The following TTLL5 variants were observed in gnomAD, a reference collection of about 807,000 sequenced individuals.
The protein encoded by TTLL5 is tubulin tyrosine ligase like 5, also known as tubulin polyglutamylase TTLL5.
In TTLL5, 132 loss-of-function variants were observed where a neutral mutation model predicts 168.4. The observed-to-expected ratio is 0.78, with a 90% confidence interval of 0.68 to 0.91. The LOEUF (loss-of-function observed/expected upper bound fraction) is 0.91. Ranked by LOEUF, TTLL5 falls within the 40% of genes least tolerant of loss-of-function variation. The probability of loss-of-function intolerance (pLI) is 0.00; values close to 1 mark genes in which losing one functional copy is unlikely to be tolerated. For missense variants in TTLL5, 1,545 were observed against 1,581.5 expected, an observed-to-expected ratio of 0.98 and a Z score of 0.39; for synonymous variants, 546 against 558.6, an observed-to-expected ratio of 0.98 and a Z score of 0.32.
At chr14:75,721,082 C>T (rs572277202) in intron 12 of TTLL5, among the ~76,000 whole-genome samples, 1 of 152,286 alleles carries the variant, frequency 6.6e-6, no homozygotes, top group Admixed American at 6.5e-5. Flanking sequence ...CCAGTATGTG[C>T]TTTCTCCCAT....
intron 24 of TTLL5, among the ~76,000 whole-genome samples, chr14:75,780,095 G>T (rs1038005973): frequency 4.6e-5 from 7 of 152,166 alleles, no homozygotes; most frequent in African/African-American, 1.7e-4. Context: ...CTTGCCCAAG[G>T]TTATTCTTTA....
At chr14:75,775,358 C>T in intron 21 of TTLL5, 126 bp from the exon 22 acceptor site, 2 of 1,088,844 alleles carry the variant, frequency 1.8e-6, no homozygotes, top group Non-Finnish European at 1.3e-6. Context: ...TGTTCTGGGT[C>T]TTGTTTGTTG....
intron 20 of TTLL5, among the ~76,000 whole-genome samples, chr14:75,771,390 TAC>T (rs1466105858): frequency 2.6e-5 from 4 of 152,138 alleles, no homozygotes; most frequent in African/African-American, 9.7e-5. Flanking sequence ...ATTCCACCAC[TAC>T]ACTGCAGCCT....
chr14:75,736,335 A>C (rs981686017), intron 15 of TTLL5, among the ~76,000 whole-genome samples: 2 of 151,334 alleles, frequency 1.3e-5, no homozygotes, highest in Non-Finnish European at 2.9e-5. Flanking sequence ...TGCTAGTCTC[A>C]TTTGGAGTAG....
intron 9 of TTLL5, among the ~76,000 whole-genome samples, chr14:75,715,951 A>G (rs573394917): frequency 6.6e-6 from 1 of 152,180 alleles, no homozygotes; most frequent in East Asian, 1.9e-4. Flanking sequence ...TAGTAACTAC[A>G]AGAGATGAAA....
Position 75,734,056 on chromosome 14 carries a change from T to C in TTLL5, c.1186+6T>C. 1 of 1,613,406 alleles carries C rather than the reference T, an allele frequency of 6.2e-7. No homozygotes were observed. Among genetic ancestry groups the C allele is most frequent in the South Asian group, 1.1e-5 (1 of 91,064 alleles). On this transcript the variant is annotated splice_donor_region_variant and intron_variant, in intron 14 of 31. Coordinates refer to ENST00000298832, the MANE Select transcript of TTLL5 (RefSeq NM_015072.5). ...AGATATGTTCACTGTTGTAGGTGAG[T>C]AGTAGTATTTTCTGAACTGGACTCA... is the stretch of plus-strand genomic sequence containing the variant.
chr14:75,749,721 A>G (rs965832033), intron 17 of TTLL5, among the ~76,000 whole-genome samples: 1 of 152,174 alleles, frequency 6.6e-6, no homozygotes, highest in Non-Finnish European at 1.5e-5. Context: ...AAAGAGGCTC[A>G]ATTAATATTA....
intron 28 of TTLL5, among the ~76,000 whole-genome samples, chr14:75,852,322 T>G (rs911794411): frequency 6.6e-6 from 1 of 152,230 alleles, no homozygotes; most frequent in Non-Finnish European, 1.5e-5. Flanking sequence ...TTATTTCTTT[T>G]TGTCTTCTTT....
At chr14:75,725,170 C>T (rs1888115072) in intron 12 of TTLL5, among the ~76,000 whole-genome samples, 1 of 152,212 alleles carries the variant, frequency 6.6e-6, no homozygotes, top group Admixed American at 6.5e-5. Flanking sequence ...CTGTTGCTGC[C>T]ATTCTTGACC....
At chr14:75,699,056 C>T (rs1265832188) in intron 6 of TTLL5, 132 bp from the exon 7 acceptor site, 20 of 736,526 alleles carry the variant, frequency 2.7e-5, no homozygotes, top group Middle Eastern at 2.9e-4. Flanking sequence ...TAGTTACTGC[C>T]CAACACTTAG....
At chr14:75,791,484 C>T (rs1036162422) in intron 26 of TTLL5, among the ~76,000 whole-genome samples, 2 of 150,674 alleles carry the variant, frequency 1.3e-5, no homozygotes, top group African/African-American at 4.9e-5. Context: ...ATCTCAAAAA[C>T]GAGCAAAATT....
At chr14:75,679,767 C>A (rs1246243930) in intron 3 of TTLL5, among the ~76,000 whole-genome samples, 3 of 152,280 alleles carry the variant, frequency 2.0e-5, no homozygotes, top group South Asian at 4.1e-4. Flanking sequence ...ACACATGATT[C>A]TGCAGTGTTT....
chr14:75,819,288 TC>T (rs1894694991), intron 27 of TTLL5, among the ~76,000 whole-genome samples: 2 of 152,234 alleles, frequency 1.3e-5, no homozygotes, highest in Admixed American at 1.3e-4. Flanking sequence ...CCAGTTGATT[TC>T]TAGGAAGATT....
Position 75,918,407 on chromosome 14 carries a change from C to T in TTLL5, c.3823+16183C>T, listed in dbSNP as rs377067550. On this transcript the variant is annotated intron_variant, in intron 31 of 31. Coordinates refer to ENST00000298832, the MANE Select transcript of TTLL5 (RefSeq NM_015072.5). ...TCCACCCCTGCTGGAGGAACTTCAT[C>T]ACACTTCTGCAGCCCCTCTACCACC... is the stretch of plus-strand genomic sequence containing the variant. Among the ~76,000 whole-genome samples the T allele has an allele frequency of 6.6e-5, 10 of 152,264 alleles. No individual in the cohort carries two copies. In the South Asian group the frequency reaches 1.9e-3, roughly 28 times the overall value.
At position 75,766,055 on chromosome 14, in the gene TTLL5, T is replaced by C. The variant is rs2359870; in HGVS notation, c.1709-7T>C. On this transcript the variant is annotated splice_region_variant and splice_polypyrimidine_tract_variant and intron_variant, in intron 19 of 31. Coordinates refer to ENST00000298832, the MANE Select transcript of TTLL5 (RefSeq NM_015072.5). ...TTTCAGCAACATTAGTGATTCTTCG[T>C]ATTTAGTGATTACCCAACCAGCTGA... 1,604,696 of 1,605,848 alleles carry C rather than the reference T, an allele frequency of 1. 801,778 individuals are homozygous for C. The highest frequency in any genetic ancestry group is 1 in the East Asian group (44,766 of 44,766).
intron 6 of TTLL5, among the ~76,000 whole-genome samples, chr14:75,691,890 A>G (rs995667150): frequency 2.0e-5 from 3 of 152,158 alleles, no homozygotes; most frequent in African/African-American, 7.2e-5. Flanking sequence ...GGCAGAGGAG[A>G]CCAGCAGTTC....
chr14:75,699,156 C>T (rs780942251), intron 6 of TTLL5, 32 bp from the exon 7 acceptor site: 2 of 1,571,382 alleles, frequency 1.3e-6, no homozygotes, highest in South Asian at 1.1e-5. Flanking sequence ...TCTTTGTTTC[C>T]TCTGTTTTTT....
At chr14:75,707,112 C>A (rs1477375273) in intron 8 of TTLL5, 25 bp downstream of exon 8, 3 of 1,586,220 alleles carry the variant, frequency 1.9e-6, no homozygotes, top group Non-Finnish European at 1.7e-6. Context: ...GGCCCTTGAC[C>A]AAATTGGGCC....
At chr14:75,819,876 T>C in intron 27 of TTLL5, 131 bp from the exon 28 acceptor site, 2 of 984,004 alleles carry the variant, frequency 2.0e-6, no homozygotes, top group Non-Finnish European at 2.9e-6. Flanking sequence ...CTGAGTGCCT[T>C]TGTCACAGCC....
Sources: gnomAD v4.1 joint callset for allele counts (sites outside exome capture counted in the v4.1 genomes callset) on GRCh38, gnomAD v4.1.1 for gene constraint, MANE v1.5 for transcripts, NCBI Gene and HGNC (gene_info 2026-07-23, HGNC 2026-07-21) for gene names.